The following GPHN variants were observed in gnomAD, a reference collection of about 807,000 sequenced individuals.
The protein encoded by GPHN is gephyrin.
Under a neutral mutation model 95.5 loss-of-function variants are expected in GPHN, and 17 were observed. The observed-to-expected ratio is 0.18, with a 90% CI of 0.12 to 0.27. The LOEUF is 0.27. Ranked by LOEUF, GPHN falls within the 10% of genes least tolerant of loss-of-function variation. The pLI, the probability that GPHN is intolerant of heterozygous loss-of-function variation, is 1.00. For synonymous variants in GPHN, 320 were observed against 322.5 expected (o/e 0.99, Z 0.08); for missense variants, 660 against 978.1 (o/e 0.67, Z 4.34).
intron 1 of GPHN, among the ~76,000 whole-genome samples, chr14:66,677,805 T>C (rs1409282006): frequency 6.6e-6 from 1 of 152,166 alleles, no homozygotes; most frequent in African/African-American, 2.4e-5. Context: ...CCAAATATGT[T>C]CTGTAAGCCA....
intron 1 of GPHN, among the ~76,000 whole-genome samples, chr14:66,647,203 G>C (rs1335958476): frequency 1.3e-5 from 2 of 151,048 alleles, no homozygotes; most frequent in Non-Finnish European, 2.9e-5. Flanking sequence ...ACCACACCCA[G>C]CCAAATGTTT....
At chr14:67,283,740 G>A in the GPHN span, among the ~76,000 whole-genome samples, 1 of 152,108 alleles carries the variant, frequency 6.6e-6, no homozygotes, top group African/African-American at 2.4e-5. Context: ...ATTCATTAGA[G>A]TATATGTATA....
chr14:66,734,759 A>G (rs1595729662), intron 2 of GPHN, among the ~76,000 whole-genome samples: 1 of 152,316 alleles, frequency 6.6e-6, no homozygotes, highest in Middle Eastern at 3.4e-3. Flanking sequence ...TTAATAATTG[A>G]CAGTTGATGA....
chr14:67,142,334 A>T (rs1290002818), intron 17 of GPHN, among the ~76,000 whole-genome samples: 3 of 152,234 alleles, frequency 2.0e-5, no homozygotes, highest in Non-Finnish European at 4.4e-5. Flanking sequence ...CCTTTCAACT[A>T]TTCCCAATCA....
At chr14:67,330,375 A>G in the GPHN span, among the ~76,000 whole-genome samples, 1 of 151,560 alleles carries the variant, frequency 6.6e-6, no homozygotes, top group Non-Finnish European at 1.5e-5. Context: ...CCCTCGAAAC[A>G]GTTCTTTAGT....
intron 8 of GPHN, among the ~76,000 whole-genome samples, chr14:66,932,976 G>A (rs2066906719): frequency 6.6e-6 from 1 of 152,146 alleles, no homozygotes; most frequent in Admixed American, 6.5e-5. Context: ...GAGAATGATT[G>A]TAAAACTGTT....
At chr14:67,035,436 A>G (rs978585782) in intron 10 of GPHN, among the ~76,000 whole-genome samples, 2 of 151,898 alleles carry the variant, frequency 1.3e-5, no homozygotes, top group Non-Finnish European at 2.9e-5. Flanking sequence ...CTAGGAAAAA[A>G]AGCAATGAAA....
chr14:67,332,943 C>T, the GPHN span: 4 of 1,606,144 alleles, frequency 2.5e-6, no homozygotes, highest in Non-Finnish European at 3.4e-6. Flanking sequence ...GTACCATCCA[C>T]TTGGCTGAGG....
chr14:66,964,243 A>G (rs1716797068), intron 8 of GPHN, among the ~76,000 whole-genome samples: 1 of 152,206 alleles, frequency 6.6e-6, no homozygotes, highest in African/African-American at 2.4e-5. Context: ...ATAATAACCA[A>G]CACATTAAAT....
chr14:67,288,964 CTTTTTT>C, the GPHN span, among the ~76,000 whole-genome samples: 5 of 107,076 alleles, frequency 4.7e-5, no homozygotes, highest in Non-Finnish European at 6.0e-5. Flanking sequence ...TCTTTATTTC[CTTTTTT>C]TTTTTTTTTT....
At chr14:66,624,178 A>T (rs1388247426) in intron 1 of GPHN, among the ~76,000 whole-genome samples, 1 of 152,212 alleles carries the variant, frequency 6.6e-6, no homozygotes, top group Non-Finnish European at 1.5e-5. Flanking sequence ...GTACCATTTC[A>T]TAATTTCTGG....
chr14:66,896,640 A>G (rs1416969264), intron 5 of GPHN, among the ~76,000 whole-genome samples: 1 of 152,120 alleles, frequency 6.6e-6, no homozygotes, highest in Non-Finnish European at 1.5e-5. Context: ...TTCTAGGAAG[A>G]TATTAAATAT....
chr14:67,393,119 T>C, the GPHN span: 1 of 1,511,434 alleles, frequency 6.6e-7, no homozygotes, highest in East Asian at 2.3e-5. Context: ...CCAGCTTGAC[T>C]GCCCAGCCCG....
intron 9 of GPHN, chr14:66,996,133 C>G: frequency 7.0e-7 from 1 of 1,426,456 alleles, no homozygotes; most frequent in Non-Finnish European, 9.5e-7. Flanking sequence ...CTATGCTATC[C>G]TTTCCTCTTT....
At chr14:67,276,603 C>T in the GPHN span, among the ~76,000 whole-genome samples, 1 of 152,164 alleles carries the variant, frequency 6.6e-6, no homozygotes, top group South Asian at 2.1e-4. Flanking sequence ...TGACCCCTGT[C>T]TCTAACAAAT....
rs150496094 is a variant in GPHN, at chr14:66,704,051, A to G, written c.143+22866A>G. Among the ~76,000 whole-genome samples, 828 of 152,274 alleles carry G rather than the reference A, an allele frequency of 5.4e-3. 3 individuals carry two copies. Among genetic ancestry groups the G allele is most frequent in the African/African-American group, 0.019 (791 of 41,560 alleles). The stretch of plus-strand genomic sequence containing the variant: ...CTGACAAAACAGAGTTTAAACCAAC[A>G]AAGATCAAAAAAAGACAAAGAAGGG... On this transcript the variant is annotated intron_variant, in intron 2 of 22. Coordinates refer to ENST00000478722, the MANE Select transcript of GPHN (RefSeq NM_020806.5).
intron 8 of GPHN, among the ~76,000 whole-genome samples, chr14:66,964,254 A>G (rs1052384177): frequency 1.1e-4 from 17 of 151,866 alleles, no homozygotes; most frequent in African/African-American, 3.9e-4. Context: ...CACATTAAAT[A>G]TTTACCACTT....
At chr14:66,542,858 C>T (rs961928403) in intron 1 of GPHN, among the ~76,000 whole-genome samples, 16 of 152,252 alleles carry the variant, frequency 1.1e-4, no homozygotes, top group African/African-American at 3.1e-4. Flanking sequence ...AGTCCATTCT[C>T]GCATTGCTAT....
the GPHN span, among the ~76,000 whole-genome samples, chr14:67,220,257 A>G: frequency 4.1e-4 from 62 of 152,196 alleles, no homozygotes; most frequent in Non-Finnish European, 1.5e-5. Context: ...GCAATATGTC[A>G]AGACCCTGTC....
Sources: allele counts gnomAD v4.1 joint callset (sites outside exome capture counted in the v4.1 genomes callset), GRCh38; gene constraint gnomAD v4.1.1; transcripts MANE v1.5; gene names NCBI Gene and HGNC (gene_info 2026-07-23, HGNC 2026-07-21).